The following ZSCAN5A variants were observed in gnomAD, a reference collection of about 807,000 sequenced individuals.
ZSCAN5A encodes the protein zinc finger and SCAN domain containing 5A, also known as zinc finger and SCAN domain-containing protein 5A.
ZSCAN5A carries 12 observed loss-of-function variants against 23.7 expected under a neutral mutation model. That is an observed-to-expected ratio of 0.51 (90% CI 0.32 to 0.82). The LOEUF is 0.82. Among genes scored for constraint, ZSCAN5A ranks in the 40% least tolerant of loss-of-function variants. ZSCAN5A has a pLI of 0.03. For synonymous variants in ZSCAN5A, 257 were observed against 239.9 expected, an observed-to-expected ratio of 1.07 and a Z score of -0.66; for missense variants, 597 against 617.9, an observed-to-expected ratio of 0.97 and a Z score of 0.36.
At chr19:56,284,264 G>GC in intron 2 of ZSCAN5A, 4 of 812,740 alleles carry the variant, frequency 4.9e-6, no homozygotes, top group Non-Finnish European at 6.0e-6. Context: ...GGGAAATTTT[G>GC]GGCTTTGCTC....
At chr19:56,234,814 AG>A (rs1173316873) in intron 2 of ZSCAN5A, among the ~76,000 whole-genome samples, 22 of 152,296 alleles carry the variant, frequency 1.4e-4, no homozygotes, top group African/African-American at 5.1e-4. Flanking sequence ...TCACTCGTGG[AG>A]CTCGGATTTC....
chr19:56,254,370 A>G (rs1215218683), intron 2 of ZSCAN5A, among the ~76,000 whole-genome samples: 1 of 152,164 alleles, frequency 6.6e-6, no homozygotes, highest in African/African-American at 2.4e-5. Context: ...TTCTAGGATA[A>G]ACTGCTAACA....
chr19:56,235,900 G>T (rs1600040760), intron 2 of ZSCAN5A, among the ~76,000 whole-genome samples: 1 of 10,610 alleles, frequency 9.4e-5, no homozygotes, highest in African/African-American at 5.4e-4. Flanking sequence ...AGCCTCTGAT[G>T]GACGGTGGGC....
intron 2 of ZSCAN5A, among the ~76,000 whole-genome samples, chr19:56,323,703 AT>A (rs1348499317): frequency 6.6e-6 from 1 of 151,260 alleles, no homozygotes; most frequent in Non-Finnish European, 1.5e-5. Context: ...CAGCCTGCTA[AT>A]TTTGTATTTT....
At chr19:56,237,656 A>G (rs2035035848) in intron 2 of ZSCAN5A, among the ~76,000 whole-genome samples, 1 of 152,174 alleles carries the variant, frequency 6.6e-6, no homozygotes, top group African/African-American at 2.4e-5. Context: ...GCGGTGGCTC[A>G]TGCCTGTAAT....
intron 1 of ZSCAN5A, chr19:56,314,219 C>G (rs944354519): frequency 1.3e-5 from 2 of 152,254 alleles, no homozygotes; most frequent in African/African-American, 2.4e-5. Context: ...TTATTCGGCT[C>G]TCAGTGAATG....
intron 2 of ZSCAN5A, among the ~76,000 whole-genome samples, chr19:56,299,355 A>C (rs2040083640): frequency 6.6e-6 from 1 of 152,044 alleles, no homozygotes; most frequent in Admixed American, 6.6e-5. Context: ...CTGGTCTCAA[A>C]TTCCTGGGCC....
chr19:56,305,668 G>A (rs2040637761), intron 2 of ZSCAN5A, among the ~76,000 whole-genome samples: 1 of 152,154 alleles, frequency 6.6e-6, no homozygotes. Context: ...TAGTGAACGG[G>A]GCAGACAAGA....
intron 2 of ZSCAN5A, among the ~76,000 whole-genome samples, chr19:56,257,914 C>T (rs1419105491): frequency 7.5e-6 from 1 of 133,020 alleles, no homozygotes. Context: ...TAGACACAGG[C>T]GCCGGGAGAC....
rs565249526 is a variant in ZSCAN5A at position 56,337,959 on chromosome 19, T to C, written c.-357-21691A>G. On this transcript the variant is annotated intron_variant, in intron 2 of 6. Transcript: ENST00000587340. ...CTTTTTAATTTGCATTTTTGATTAC[T>C]AGTTAGGCTTAGCATCTTCTTTTTT... is the stretch of plus-strand genomic sequence containing the variant. Among the ~76,000 whole-genome samples the C allele has an allele frequency of 3.0e-4, 46 of 152,360 alleles. No homozygotes were observed. The South Asian group carries it at 3.1e-3, about 10-fold the overall frequency.
At position 56,276,789 on chromosome 19, in the gene ZSCAN5A, G is replaced by A. The variant is rs568418615; in HGVS notation, c.-128+36494C>T. Among the ~76,000 whole-genome samples, 1,263 of 151,940 alleles carry A rather than the reference G, an allele frequency of 8.3e-3. 15 individuals carry two copies. The highest frequency in any genetic ancestry group is 0.029 in the African/African-American group (1,215 of 41,456). On this transcript the variant is annotated intron_variant, in intron 2 of 5. Coordinates refer to ENST00000683990, the MANE Select transcript of ZSCAN5A (RefSeq NM_001322064.3). ...TGACCTCAGGTGATCCGCCCACCTC[G>A]GCCTCCCAAAGTGCTGGGATTACAG...
Position 56,225,043 on chromosome 19 carries a change from C to A in ZSCAN5A, c.4G>T (p.Ala2Ser). The part of the protein sequence containing the change: M[A>S]ANCTSSWSLG... ...CTCCATGAGGATGTGCAATTTGCAG[C>A]CATATCTAGTGGAGAATTTTTTAAT... The change falls in exon 3 of 6, where the codon GCT becomes TCT. Residue 2 changes from alanine to serine, a missense_variant. By Grantham distance (99) the Ala-to-Ser change is moderately conservative. Around this residue, in one of 5 missense-constraint regions of ZSCAN5A, gnomAD observed 72 missense variants for 76.8 expected, o/e 0.94. Coordinates refer to ENST00000683990, the MANE Select transcript of ZSCAN5A (RefSeq NM_001322064.3). 1 of 1,587,848 alleles carries A rather than the reference C, an allele frequency of 6.3e-7. No homozygotes were observed. Among genetic ancestry groups the A allele is most frequent in the Non-Finnish European group, 8.6e-7 (1 of 1,165,438 alleles).
intron 2 of ZSCAN5A, among the ~76,000 whole-genome samples, chr19:56,336,562 C>T (rs1294215054): frequency 3.3e-5 from 5 of 152,192 alleles, no homozygotes; most frequent in East Asian, 1.9e-4. Context: ...GTTTGATCTT[C>T]TGAAGCCTTC....
At chr19:56,224,480 T>G in intron 3 of ZSCAN5A, 183 bp downstream of exon 3, 1 of 908,238 alleles carries the variant, frequency 1.1e-6, no homozygotes, top group Non-Finnish European at 1.7e-6. Flanking sequence ...TAGCAGCGTC[T>G]CCTGTCCTCC....
At chr19:56,244,081 A>G (rs1394857073) in intron 2 of ZSCAN5A, 2 of 1,260,288 alleles carry the variant, frequency 1.6e-6, no homozygotes, top group Non-Finnish European at 2.3e-6. Context: ...GTCAGGGAGG[A>G]CCCTGCAACA....
chr19:56,305,014 G>A (rs1471210778), intron 2 of ZSCAN5A, among the ~76,000 whole-genome samples: 1 of 152,164 alleles, frequency 6.6e-6, no homozygotes, highest in East Asian at 1.9e-4. Context: ...CTGCCTGACA[G>A]GGGCAAGGAA....
intron 2 of ZSCAN5A, chr19:56,304,710 G>A (rs1362691960): frequency 1.2e-6 from 1 of 812,138 alleles, no homozygotes; most frequent in South Asian, 5.6e-5. Flanking sequence ...GGGGGATGGG[G>A]AGAAAGGGAG....
intron 2 of ZSCAN5A, among the ~76,000 whole-genome samples, chr19:56,332,564 A>C (rs887720741): frequency 6.6e-6 from 1 of 152,128 alleles, no homozygotes; most frequent in African/African-American, 2.4e-5. Context: ...TGTGAGATGG[A>C]TCTCTTGATA....
At chr19:56,284,223 T>G in intron 2 of ZSCAN5A, 4 of 978,866 alleles carry the variant, frequency 4.1e-6, no homozygotes, top group Non-Finnish European at 4.9e-6. Context: ...ACCTTGCCAC[T>G]TCACAATGCC....
Sources: gnomAD v4.1 joint callset for allele counts (sites outside exome capture counted in the v4.1 genomes callset) on GRCh38, gnomAD v4.1.1 for gene constraint, gnomAD v4.1.1 regional missense constraint, MANE v1.5 for transcripts, NCBI Gene and HGNC (gene_info 2026-07-23, HGNC 2026-07-21) for gene names.